The following HS2ST1 variants were observed in gnomAD, a reference collection of about 807,000 sequenced individuals.
HS2ST1 encodes the protein 2-O-sulfotransferase.
A neutral mutation model predicts 42.9 loss-of-function variants in HS2ST1; 18 were observed. The observed-to-expected ratio is 0.42, with a 90% CI of 0.29 to 0.62. The LOEUF is 0.62. Ranked by LOEUF, HS2ST1 falls within the 20% of genes least tolerant of loss-of-function variation. The pLI is 0.21. For missense variants in HS2ST1, 334 were observed against 433.8 expected (o/e 0.77, Z 2.04); for synonymous variants, 146 against 152.9 (o/e 0.95, Z 0.33).
intron 1 of HS2ST1, among the ~76,000 whole-genome samples, chr1:87,054,570 G>C (rs1650915206): frequency 6.6e-6 from 1 of 152,142 alleles, no homozygotes; most frequent in Admixed American, 6.5e-5. Flanking sequence ...TGAAGAAATG[G>C]CAAACTATAT....
At chr1:87,018,841 CTGTTTAGTTATAATAATG>C in intron 1 of HS2ST1, among the ~76,000 whole-genome samples, 1 of 152,276 alleles carries the variant, frequency 6.6e-6, no homozygotes, top group South Asian at 2.1e-4. Context: ...TTCCAGTACT[CTGTTTAGTTATAATAATG>C]ATTCTTTATG....
intron 1 of HS2ST1, among the ~76,000 whole-genome samples, chr1:87,013,454 A>G (rs1394775921): frequency 6.6e-6 from 1 of 152,226 alleles, no homozygotes; most frequent in Non-Finnish European, 1.5e-5. Context: ...CTGAGACTAC[A>G]TAAAACAGCA....
chr1:87,034,408 G>A (rs183540302), intron 1 of HS2ST1, among the ~76,000 whole-genome samples: 44 of 152,254 alleles, frequency 2.9e-4, no homozygotes, highest in African/African-American at 7.5e-4. Context: ...AGATTCTGGA[G>A]GGGAGAAAAT....
intron 1 of HS2ST1, among the ~76,000 whole-genome samples, chr1:87,012,693 C>T (rs1305826095): frequency 2.0e-5 from 3 of 152,194 alleles, no homozygotes; most frequent in Non-Finnish European, 4.4e-5. Context: ...CAGAAGTCTA[C>T]AGTTCAATGT....
intron 1 of HS2ST1, among the ~76,000 whole-genome samples, chr1:86,985,182 C>T (rs1444207561): frequency 7.4e-5 from 11 of 148,186 alleles, no homozygotes; most frequent in African/African-American, 2.5e-4. Flanking sequence ...GGTGAAACCC[C>T]GTCTCTACTA....
intron 1 of HS2ST1, among the ~76,000 whole-genome samples, chr1:87,010,615 T>C (rs1445824117): frequency 6.6e-6 from 1 of 152,192 alleles, no homozygotes; most frequent in Non-Finnish European, 1.5e-5. Flanking sequence ...TATTTTCATA[T>C]GTAGACTAAT....
At chr1:87,041,889 C>G (rs1325072339) in intron 1 of HS2ST1, among the ~76,000 whole-genome samples, 2 of 152,052 alleles carry the variant, frequency 1.3e-5, no homozygotes, top group Non-Finnish European at 2.9e-5. Context: ...GTGTACAATG[C>G]TTCATTGTAC....
chr1:86,972,769 A>G (rs1050899989), intron 1 of HS2ST1, among the ~76,000 whole-genome samples: 1 of 152,186 alleles, frequency 6.6e-6, no homozygotes, highest in Admixed American at 6.5e-5. Context: ...AGGTTGACAT[A>G]TATGTTATTA....
intron 1 of HS2ST1, among the ~76,000 whole-genome samples, chr1:86,925,430 C>T (rs1660395023): frequency 6.6e-6 from 1 of 152,150 alleles, no homozygotes. Flanking sequence ...AGTCCGTTTT[C>T]ATGCTGCTGA....
chr1:87,061,946 A>G (rs1342459009), intron 1 of HS2ST1, among the ~76,000 whole-genome samples: 1 of 141,046 alleles, frequency 7.1e-6, no homozygotes, highest in Non-Finnish European at 1.6e-5. Flanking sequence ...TTTTTGGTTT[A>G]TCTGTTTTTA....
chr1:87,076,513 T>A (rs965241952), intron 2 of HS2ST1, among the ~76,000 whole-genome samples: 4 of 152,168 alleles, frequency 2.6e-5, no homozygotes, highest in African/African-American at 4.8e-5. Flanking sequence ...GAAATTTTTT[T>A]AAATAAAAAA....
chr1:86,991,038 G>A (rs980545868), intron 1 of HS2ST1, among the ~76,000 whole-genome samples: 5 of 150,490 alleles, frequency 3.3e-5, no homozygotes, highest in African/African-American at 1.2e-4. Context: ...ACTCAAACCT[G>A]TATAGCTCAA....
chr1:86,946,538 A>G (rs1284131099), intron 1 of HS2ST1, among the ~76,000 whole-genome samples: 1 of 152,216 alleles, frequency 6.6e-6, no homozygotes, highest in African/African-American at 2.4e-5. Context: ...TTAGCTGGGT[A>G]AGATATAGAT....
chr1:86,926,458 G>T (rs74887817), intron 1 of HS2ST1, among the ~76,000 whole-genome samples: 2,414 of 152,212 alleles, frequency 0.016, 66 homozygotes, highest in African/African-American at 0.056. Context: ...CTATAGCCTA[G>T]AAACTCTCTC....
intron 1 of HS2ST1, among the ~76,000 whole-genome samples, chr1:87,058,785 G>A (rs1480812208): frequency 6.6e-6 from 1 of 151,556 alleles, no homozygotes; most frequent in Non-Finnish European, 1.5e-5. Flanking sequence ...CCGTTGGCTG[G>A]GTGCGGTGGC....
At chr1:87,076,231 A>G (rs929514805) in intron 2 of HS2ST1, among the ~76,000 whole-genome samples, 6 of 152,216 alleles carry the variant, frequency 3.9e-5, no homozygotes, top group African/African-American at 1.4e-4. Context: ...TCTAGACTAG[A>G]GAGACATGGA....
At chr1:87,058,204 C>T (rs1651026294) in intron 1 of HS2ST1, among the ~76,000 whole-genome samples, 1 of 151,634 alleles carries the variant, frequency 6.6e-6, no homozygotes, top group African/African-American at 2.4e-5. Context: ...GACAGGTCCT[C>T]ATGCAACCTC....
intron 1 of HS2ST1, among the ~76,000 whole-genome samples, chr1:86,974,558 A>G (rs1648337491): frequency 6.6e-6 from 1 of 152,200 alleles, no homozygotes; most frequent in African/African-American, 2.4e-5. Context: ...AACCAATCCA[A>G]ACAGAAGTTT....
intron 2 of HS2ST1, among the ~76,000 whole-genome samples, chr1:87,074,595 C>T (rs1056272838): frequency 2.0e-5 from 3 of 151,906 alleles, no homozygotes; most frequent in African/African-American, 4.8e-5. Flanking sequence ...CCACATATGA[C>T]ATTTATAGGC....
Sources: gnomAD v4.1 joint callset for allele counts (sites outside exome capture counted in the v4.1 genomes callset) on GRCh38, gnomAD v4.1.1 for gene constraint, MANE v1.5 for transcripts, NCBI Gene and HGNC (gene_info 2026-07-23, HGNC 2026-07-21) for gene names.